The following LAMA2 variants were observed in gnomAD, a reference collection of about 807,000 sequenced individuals.
LAMA2 encodes the protein laminin subunit alpha 2, also known as laminin subunit alpha-2.
In LAMA2, 269 loss-of-function variants were observed where a neutral mutation model predicts 364.8. The observed-to-expected ratio is 0.74, with a 90% confidence interval of 0.67 to 0.82. The LOEUF is 0.82. Among genes scored for constraint, LAMA2 ranks in the 40% least tolerant of loss-of-function variants. The pLI is 0.00. For synonymous variants in LAMA2, 1,379 were observed against 1,370.6 expected, an observed-to-expected ratio of 1.01 and a Z score of -0.14; for missense variants, 3,807 against 3,873.2, an observed-to-expected ratio of 0.98 and a Z score of 0.45.
intron 58 of LAMA2, among the ~76,000 whole-genome samples, chr6:129,498,000 G>A (rs999486039): frequency 2.0e-5 from 3 of 152,146 alleles, no homozygotes; most frequent in Admixed American, 1.3e-4. Context: ...AGGTAGATAA[G>A]AGGCTGAACT....
chr6:128,907,866 G>A (rs911891127), intron 1 of LAMA2, among the ~76,000 whole-genome samples: 1 of 152,200 alleles, frequency 6.6e-6, no homozygotes, highest in Admixed American at 6.5e-5. Context: ...TTTTGTCAAC[G>A]GCCTTTTCTG....
At chr6:129,250,012 T>A in intron 12 of LAMA2, 100 bp from the exon 13 acceptor site, 1 of 777,882 alleles carries the variant, frequency 1.3e-6, no homozygotes, top group Non-Finnish European at 2.3e-6. Context: ...TTGCAAATAC[T>A]GCCCTATAGA....
intron 12 of LAMA2, among the ~76,000 whole-genome samples, chr6:129,224,552 T>C (rs1490227699): frequency 1.3e-5 from 2 of 152,220 alleles, no homozygotes; most frequent in African/African-American, 4.8e-5. Flanking sequence ...GTTTTTGGCA[T>C]GAAGGGCTGT....
At chr6:129,086,523 A>T (rs1774396075) in intron 3 of LAMA2, among the ~76,000 whole-genome samples, 1 of 152,238 alleles carries the variant, frequency 6.6e-6, no homozygotes, top group Non-Finnish European at 1.5e-5. Context: ...AGACATGAGA[A>T]TAACCTTAGG....
intron 40 of LAMA2, among the ~76,000 whole-genome samples, chr6:129,418,786 G>C (rs1190668912): frequency 6.6e-6 from 1 of 152,076 alleles, no homozygotes; most frequent in East Asian, 1.9e-4. Context: ...ACACTGTGCA[G>C]TCTGTTCTGA....
rs766816458 is a variant in LAMA2 at position 129,512,446 on chromosome 6, A to G, written c.8941A>G (p.Ser2981Gly). Residue 2981 changes from serine (S) to glycine (G), a missense_variant, in exon 63 of 65, where the codon AGT becomes GGT. Around this residue, in one of 3 missense-constraint regions of LAMA2, gnomAD observed 3,333 missense variants for 3,345.7 expected, o/e 1.00. Transcript: ENST00000421865. The stretch of plus-strand genomic sequence containing the variant: ...AACGACTGGAGTTCTTCTGGGGATC[A>G]GTAGTCAAAAAATGGATGGAATGGG... ...TTTTGVLLGI[S>G]SQKMDGMGIE... 2 of 1,613,730 alleles carry G rather than the reference A, an allele frequency of 1.2e-6. No homozygotes were observed. Among genetic ancestry groups the G allele is most frequent in the South Asian group, 1.1e-5 (1 of 91,070 alleles).
rs575215747 is a variant in LAMA2, at chr6:129,442,986, T to C, written c.6269-77T>C. 5.5e-6 allele frequency: 6 copies of C among 1,095,478 alleles called. No individual in the cohort carries two copies. The East Asian group carries it at 1.5e-4, about 28-fold the overall frequency. 67.9% of individuals were successfully genotyped at this position (1,095,478 alleles called of 1,614,324 possible). ...AAAATACCATTTTTAGTCACTACTT[T>C]ATAATATTTATAGAAAATACTTCCT... is the stretch of plus-strand genomic sequence containing the variant. On this transcript the variant is annotated intron_variant, in intron 43 of 64. Coordinates refer to ENST00000421865, the MANE Select transcript of LAMA2 (RefSeq NM_000426.4).
At chr6:129,500,202 G>A (rs1430501207) in intron 58 of LAMA2, among the ~76,000 whole-genome samples, 3 of 151,994 alleles carry the variant, frequency 2.0e-5, no homozygotes, top group Admixed American at 2.0e-4. Context: ...TAAATCCTAA[G>A]GTACATATTT....
chr6:128,896,751 A>T (rs1269407061), intron 1 of LAMA2, among the ~76,000 whole-genome samples: 2 of 152,178 alleles, frequency 1.3e-5, no homozygotes, highest in Non-Finnish European at 2.9e-5. Flanking sequence ...TTATTTATTT[A>T]TTCCTTTGGA....
chr6:128,895,572 C>T (rs866197047), intron 1 of LAMA2, among the ~76,000 whole-genome samples: 1 of 151,860 alleles, frequency 6.6e-6, no homozygotes, highest in South Asian at 2.1e-4. Context: ...GGCGTGAATC[C>T]GGGAGGAGGA....
At chr6:129,053,889 T>C (rs7763380) in intron 2 of LAMA2, among the ~76,000 whole-genome samples, 3 of 152,102 alleles carry the variant, frequency 2.0e-5, no homozygotes, top group African/African-American at 7.2e-5. Context: ...TTTTCAAAGA[T>C]AAGAGACATT....
chr6:129,090,898 T>C (rs1774780231), intron 3 of LAMA2, among the ~76,000 whole-genome samples: 1 of 152,210 alleles, frequency 6.6e-6, no homozygotes, highest in South Asian at 2.1e-4. Context: ...CAGTAAACTA[T>C]ACACAGTGAA....
At chr6:129,059,077 G>A (rs12209995) in intron 2 of LAMA2, among the ~76,000 whole-genome samples, 16,354 of 152,180 alleles carry the variant, frequency 0.11, 907 homozygotes, top group East Asian at 0.16. Flanking sequence ...ACTTAAGCAA[G>A]AGGGCCAGAG....
At chr6:128,977,996 A>AT (rs888868447) in intron 1 of LAMA2, among the ~76,000 whole-genome samples, 2 of 152,154 alleles carry the variant, frequency 1.3e-5, no homozygotes, top group Non-Finnish European at 2.9e-5. Flanking sequence ...TTAAAGAGAA[A>AT]TTTTTTTAAA....
At chr6:129,291,253 G>A (rs1789679375) in intron 19 of LAMA2, among the ~76,000 whole-genome samples, 1 of 152,168 alleles carries the variant, frequency 6.6e-6, no homozygotes, top group Non-Finnish European at 1.5e-5. Context: ...CCAAGTTCCT[G>A]TCACGTTCTG....
intron 18 of LAMA2, 33 bp from the exon 19 acceptor site, chr6:129,287,814 C>G (rs201028180): frequency 7.6e-6 from 12 of 1,571,262 alleles, no homozygotes; most frequent in Admixed American, 3.3e-5. Flanking sequence ...TGAGGTCCCC[C>G]CAAAGGCTCA....
intron 32 of LAMA2, among the ~76,000 whole-genome samples, chr6:129,365,214 A>T (rs571811061): frequency 6.6e-6 from 1 of 152,350 alleles, no homozygotes; most frequent in Admixed American, 6.5e-5. Flanking sequence ...GAAAGAGGTT[A>T]ATCATCAAAG....
At chr6:129,033,610 G>A (rs1055024979) in intron 1 of LAMA2, among the ~76,000 whole-genome samples, 23 of 151,842 alleles carry the variant, frequency 1.5e-4, no homozygotes, top group African/African-American at 5.3e-4. Flanking sequence ...TTGGTTTAAG[G>A]TTCTAAATTT....
intron 1 of LAMA2, among the ~76,000 whole-genome samples, chr6:128,953,871 A>C (rs1780992019): frequency 6.6e-6 from 1 of 152,132 alleles, no homozygotes. Context: ...AAAATGACAA[A>C]CCTACAAAGT....
Sources: allele counts gnomAD v4.1 joint callset (sites outside exome capture counted in the v4.1 genomes callset), GRCh38; gene constraint gnomAD v4.1.1; regional missense constraint gnomAD v4.1.1; transcripts MANE v1.5; gene names NCBI Gene and HGNC (gene_info 2026-07-23, HGNC 2026-07-21).